The following FAT3 variants were observed in gnomAD, a reference collection of about 807,000 sequenced individuals.
FAT3 encodes FAT atypical cadherin 3.
In FAT3, 95 loss-of-function variants were observed where a neutral mutation model predicts 310.2. The ratio of observed to expected loss-of-function variants is 0.31; its 90% CI spans 0.26 to 0.36. The LOEUF (loss-of-function observed/expected upper bound fraction) is 0.36. Ranked by LOEUF, FAT3 falls within the 10% of genes least tolerant of loss-of-function variation. The pLI is 1.00. For missense variants in FAT3, 5,408 were observed against 5,715.6 expected (o/e 0.95, Z 1.74); for synonymous variants, 2,314 against 2,192.9 (o/e 1.06, Z -1.54).
intron 1 of FAT3, among the ~76,000 whole-genome samples, chr11:92,286,423 C>T (rs191597056): frequency 1.3e-5 from 2 of 152,178 alleles, no homozygotes; most frequent in South Asian, 2.1e-4. Context: ...CTTATATGCA[C>T]GGAGGGAATG....
chr11:92,449,981 G>C (rs1469794046), intron 2 of FAT3, among the ~76,000 whole-genome samples: 2 of 152,226 alleles, frequency 1.3e-5, no homozygotes, highest in Non-Finnish European at 2.9e-5. Context: ...CATTGAACTT[G>C]CTTTTTCTGA....
intron 18 of FAT3, among the ~76,000 whole-genome samples, chr11:92,841,907 T>G (rs1160912138): frequency 1.3e-5 from 2 of 152,166 alleles, no homozygotes; most frequent in Non-Finnish European, 2.9e-5. Context: ...CTTCATTCTC[T>G]TCTGACCCAA....
rs1948272782 is a variant in FAT3 at position 92,831,965 on chromosome 11, C to T, written c.9825C>T (p.Ile3275=). The T allele has an allele frequency of 1.9e-6, 3 of 1,573,090 alleles. No homozygotes were observed. Among genetic ancestry groups the T allele is most frequent in the Non-Finnish European group, 2.6e-6 (3 of 1,158,640 alleles). The part of the protein sequence containing the change: ...IGTNAEITYL[I]RSGNEQGKFK... ...CAAATGCTGAGATCACTTATCTCAT[C>T]CGGTCTGGGAACGAACAAGGGAAAT... The change falls in exon 14 of 28, where the codon ATC becomes ATT. Residue 3275 remains isoleucine (I), a synonymous_variant. Transcript: ENST00000525166.
intron 21 of FAT3, among the ~76,000 whole-genome samples, chr11:92,866,015 T>G (rs560833940): frequency 6.6e-6 from 1 of 152,340 alleles, no homozygotes; most frequent in East Asian, 1.9e-4. Flanking sequence ...CTGAGCACCT[T>G]GGAAGATAAC....
At chr11:92,705,892 A>ATGG (rs1243844059) in intron 4 of FAT3, among the ~76,000 whole-genome samples, 2 of 38,056 alleles carry the variant, frequency 5.3e-5, no homozygotes, top group African/African-American at 9.6e-5. Flanking sequence ...TGGTGGTGTG[A>ATGG]TGGTGGTGGT....
At chr11:92,598,112 A>T (rs1422384204) in intron 3 of FAT3, among the ~76,000 whole-genome samples, 1 of 151,922 alleles carries the variant, frequency 6.6e-6, no homozygotes, top group African/African-American at 2.4e-5. Flanking sequence ...AGTCATGTGC[A>T]TAATCAGACA....
intron 2 of FAT3, among the ~76,000 whole-genome samples, chr11:92,370,662 C>T (rs1397382388): frequency 6.6e-6 from 1 of 152,172 alleles, no homozygotes; most frequent in Non-Finnish European, 1.5e-5. Context: ...CTCTTTCTTT[C>T]ATCTGACTGC....
chr11:92,692,033 A>T (rs1368957448), intron 3 of FAT3, among the ~76,000 whole-genome samples: 1 of 152,176 alleles, frequency 6.6e-6, no homozygotes, highest in Non-Finnish European at 1.5e-5. Flanking sequence ...AATTAGGTAG[A>T]AATCAGGATG....
chr11:92,304,708 C>T (rs767282619), intron 1 of FAT3, among the ~76,000 whole-genome samples: 2 of 152,004 alleles, frequency 1.3e-5, no homozygotes, highest in East Asian at 1.9e-4. Context: ...CTGGAATTCA[C>T]GAAACTAGAT....
chr11:92,648,203 A>G (rs1437015694), intron 3 of FAT3, among the ~76,000 whole-genome samples: 1 of 152,200 alleles, frequency 6.6e-6, no homozygotes, highest in Non-Finnish European at 1.5e-5. Context: ...AAGAGAGCAG[A>G]TGAATTGCAT....
At chr11:92,650,664 T>A (rs1591564804) in intron 3 of FAT3, among the ~76,000 whole-genome samples, 2 of 152,282 alleles carry the variant, frequency 1.3e-5, no homozygotes, top group Admixed American at 1.3e-4. Context: ...AACATGGAAT[T>A]GAGGAAGATG....
chr11:92,729,464 T>G (rs1945105359), intron 4 of FAT3, among the ~76,000 whole-genome samples: 1 of 150,726 alleles, frequency 6.6e-6, no homozygotes, highest in Non-Finnish European at 1.5e-5. Flanking sequence ...TCTCGCTCTG[T>G]CACCCAGGCT....
intron 22 of FAT3, among the ~76,000 whole-genome samples, chr11:92,868,578 C>T (rs1949305220): frequency 6.6e-6 from 1 of 152,110 alleles, no homozygotes; most frequent in African/African-American, 2.4e-5. Flanking sequence ...ATAAAAGGAG[C>T]ATATAATTAA....
At chr11:92,247,192 A>C (rs938419177) in intron 1 of FAT3, among the ~76,000 whole-genome samples, 2 of 152,042 alleles carry the variant, frequency 1.3e-5, no homozygotes, top group African/African-American at 4.8e-5. Context: ...TCAGGAATAT[A>C]GGTGAGTGTG....
intron 2 of FAT3, among the ~76,000 whole-genome samples, chr11:92,464,800 T>C (rs1272986271): frequency 6.6e-6 from 1 of 152,190 alleles, no homozygotes; most frequent in Non-Finnish European, 1.5e-5. Context: ...TTTAAGTATT[T>C]CTAGCACATT....
chr11:92,622,281 C>A (rs1447718645), intron 3 of FAT3, among the ~76,000 whole-genome samples: 11 of 145,902 alleles, frequency 7.5e-5, no homozygotes, highest in Non-Finnish European at 9.0e-5. Context: ...GACTCCATCT[C>A]AAAAAAAAAA....
chr11:92,562,774 G>A (rs1955279897), intron 3 of FAT3, among the ~76,000 whole-genome samples: 1 of 152,114 alleles, frequency 6.6e-6, no homozygotes, highest in African/African-American at 2.4e-5. Flanking sequence ...AGATGTTGAT[G>A]TTTCAGTTAA....
At position 92,806,358 on chromosome 11, in the gene FAT3, C is replaced by A; in HGVS notation, c.9094-4C>A. ...TTTTATTACCTTTCTTCACCTTTGT[C>A]CAGGTTGCATATACAGCATTACTTC... On this transcript the variant is annotated splice_polypyrimidine_tract_variant and splice_region_variant and intron_variant, in intron 11 of 27. Coordinates refer to ENST00000525166, the MANE Select transcript of FAT3 (RefSeq NM_001367949.2). 6.3e-7 allele frequency: 1 copy of A among 1,596,668 alleles called. No individual in the cohort carries two copies. Among genetic ancestry groups the A allele is most frequent in the Non-Finnish European group, 8.5e-7 (1 of 1,170,832 alleles).
rs1473156674 is a variant in FAT3, at chr11:92,883,375, T to C, written c.12919T>C (p.Trp4307Arg). ...SDCDSIRKNG[W>R]DAGTENKGVD... ...CTGCGACTCCATCCGGAAGAATGGC[T>C]GGGACGCGGGAACTGAGAGTGAGTA... Residue 4307 changes from tryptophan to arginine, a missense_variant, in exon 24 of 28, where the codon TGG (tryptophan) becomes CGG (arginine). Trp to Arg is a moderately radical substitution (Grantham distance 101). Transcript: ENST00000525166. This position sits in a 1 kb window ranked among gnomAD's most constrained non-coding sequence, Gnocchi z 4.2. 1.9e-6 allele frequency: 3 copies of C among 1,603,832 alleles called. No homozygotes were observed. Among genetic ancestry groups the C allele is most frequent in the Non-Finnish European group, 1.7e-6 (2 of 1,174,244 alleles).
Sources: gnomAD v4.1 joint callset for allele counts (sites outside exome capture counted in the v4.1 genomes callset) on GRCh38, gnomAD v4.1.1 for gene constraint, Gnocchi (gnomAD v3.1) non-coding constraint, MANE v1.5 for transcripts, NCBI Gene and HGNC (gene_info 2026-07-23, HGNC 2026-07-21) for gene names.